The following DICER1 variants were observed in gnomAD, a reference collection of about 807,000 sequenced individuals.
DICER1 encodes endoribonuclease Dicer.
A neutral mutation model predicts 194.1 loss-of-function variants in DICER1; 43 were observed. The observed-to-expected ratio is 0.22, with a 90% CI of 0.17 to 0.29. The LOEUF is 0.29. DICER1 is among the 10% of genes least tolerant of loss of function. The pLI is 1.00. For missense variants in DICER1, 1,608 were observed against 2,317.0 expected, an observed-to-expected ratio of 0.69 and a Z score of 6.28; for synonymous variants, 832 against 820.5, an observed-to-expected ratio of 1.01 and a Z score of -0.24.
chr14:95,155,478 G>C (rs977371648), intron 1 of DICER1, among the ~76,000 whole-genome samples: 1 of 152,108 alleles, frequency 6.6e-6, no homozygotes, highest in African/African-American at 2.4e-5. Context: ...TGTCAAATAA[G>C]AATCATGAGC....
chr14:95,106,611 G>A (rs1891451488), intron 17 of DICER1, among the ~76,000 whole-genome samples: 1 of 151,838 alleles, frequency 6.6e-6, no homozygotes, highest in South Asian at 2.1e-4. Flanking sequence ...ACGTATTACT[G>A]CATCATCTAT....
intron 8 of DICER1, among the ~76,000 whole-genome samples, chr14:95,119,522 G>A (rs775051645): frequency 2.0e-5 from 3 of 152,170 alleles, no homozygotes; most frequent in Non-Finnish European, 2.9e-5. Context: ...AACTCCCAGA[G>A]GATAATGGAC....
At chr14:95,150,200 T>C (rs1895423501) in intron 1 of DICER1, among the ~76,000 whole-genome samples, 2 of 152,240 alleles carry the variant, frequency 1.3e-5, no homozygotes, top group African/African-American at 4.8e-5. Flanking sequence ...CTGTATTTTG[T>C]AGGCCGGGCA....
chr14:95,122,159 G>C (rs1892985650), intron 8 of DICER1, among the ~76,000 whole-genome samples: 1 of 152,166 alleles, frequency 6.6e-6, no homozygotes, highest in Non-Finnish European at 1.5e-5. Context: ...TTTTATGAAA[G>C]TTGATCACAA....
At position 95,104,004 on chromosome 14, in the gene DICER1, T is replaced by C. The variant is rs200651335; in HGVS notation, c.3392A>G (p.Asn1131Ser). The C allele has an allele frequency of 6.7e-5, 108 of 1,614,162 alleles. No individual in the cohort carries two copies. The African/African-American group carries it at 8.3e-4, about 12-fold the overall frequency. The change falls in exon 21 of 27, where the codon AAT (asparagine) becomes AGT (serine). Residue 1131 changes from asparagine to serine, a missense_variant. By Grantham distance (46) the Asn-to-Ser change is conservative (BLOSUM62 1). Transcript: ENST00000343455. ...TCTATTAGCACCTTGATGTGCAGCA[T>C]TTTCAGGGACAATTGTGCTGTGCTT... ...YCKHSTIVPE[N>S]AAHQGANRTS...
chr14:95,104,079 G>T lies in DICER1; in HGVS notation c.3317C>A (p.Ser1106Tyr), dbSNP rs761613375. ...FGWKKSIDSKSFISISNSSSA... is the reference protein window; with the variant it reads ...FGWKKSIDSKYFISISNSSSA... ...AGAGGAGTTAGAAATTGAGATGAAAGATTTGCTGTCAATAGATTTTTTCCA... is the reference window on the plus strand; with the variant it reads ...AGAGGAGTTAGAAATTGAGATGAAATATTTGCTGTCAATAGATTTTTTCCA... The change falls in exon 21 of 27, where the codon TCT (serine) becomes TAT (tyrosine). Residue 1106 changes from serine to tyrosine, a missense_variant. This residue lies in a region of DICER1 where 79 missense variants were observed against 176.1 expected (regional missense o/e 0.45). Transcript: ENST00000343455. 1.2e-6 allele frequency: 2 copies of T among 1,614,020 alleles called. No individual in the cohort carries two copies. The highest frequency in any genetic ancestry group is 1.7e-5 in the Admixed American group (1 of 60,012).
intron 17 of DICER1, among the ~76,000 whole-genome samples, chr14:95,106,886 G>A (rs1366721857): frequency 6.6e-6 from 1 of 152,106 alleles, no homozygotes; most frequent in Non-Finnish European, 1.5e-5. Flanking sequence ...TAAGACTCTG[G>A]AGACTAAAAG....
chr14:95,092,579 T>G (rs1889945820), intron 24 of DICER1, among the ~76,000 whole-genome samples: 1 of 152,234 alleles, frequency 6.6e-6, no homozygotes, highest in African/African-American at 2.4e-5. Flanking sequence ...CAAGTTTAAT[T>G]CTCTCTTTTT....
intron 1 of DICER1, among the ~76,000 whole-genome samples, chr14:95,156,057 T>C (rs1017568958): frequency 5.9e-5 from 9 of 152,224 alleles, no homozygotes; most frequent in African/African-American, 2.2e-4. Context: ...TTTAATAAAC[T>C]GAGTTTTTTG....
rs1889624541 is a variant in DICER1 at position 95,089,737 on chromosome 14, G to A, written c.*761C>T. The stretch of plus-strand genomic sequence containing the variant: ...ACTAGTGAGTTGTAAGTATCACGCT[G>A]TCTCAACGTCTAATGCATAATAAAA... On this transcript the variant is annotated 3_prime_UTR_variant, in exon 27 of 27. Transcript: ENST00000343455. 1 of 231,930 alleles carries A rather than the reference G, an allele frequency of 4.3e-6. No homozygotes were observed. Among genetic ancestry groups the A allele is most frequent in the Admixed American group, 5.6e-5 (1 of 17,734 alleles). The allele number at this position is 231,930 out of a possible 1,614,324, so 14.4% of individuals were successfully genotyped here.
rs2140233877 is a variant in DICER1 at position 95,126,705 on chromosome 14, A to G, written c.778T>C (p.Phe260Leu). ...PCEIVVDCGP[F>L]TDRSGLYERL... The stretch of plus-strand genomic sequence containing the variant: ...TCATAAAGCCCACTTCTGTCAGTAA[A>G]TGGTCCACAATCCACCACAATCTCA... Residue 260 changes from phenylalanine (F) to leucine (L), a missense_variant, in exon 7 of 27, where the codon TTT becomes CTT. Phe to Leu is a conservative substitution (Grantham distance 22). This residue lies in a region of DICER1 where 657 missense variants were observed against 910.1 expected (regional missense o/e 0.72). Transcript: ENST00000343455. 6.2e-7 allele frequency: 1 copy of G among 1,611,268 alleles called. No individual in the cohort carries two copies. Among genetic ancestry groups the G allele is most frequent in the Non-Finnish European group, 8.5e-7 (1 of 1,177,534 alleles).
intron 1 of DICER1, among the ~76,000 whole-genome samples, chr14:95,149,927 G>A (rs928560968): frequency 2.6e-5 from 4 of 152,044 alleles, no homozygotes; most frequent in African/African-American, 7.2e-5. Context: ...AGAATAATTC[G>A]AGGCTAACTA....
chr14:95,121,873 A>C (rs1406661573), intron 8 of DICER1, among the ~76,000 whole-genome samples: 1 of 152,216 alleles, frequency 6.6e-6, no homozygotes, highest in Non-Finnish European at 1.5e-5. Flanking sequence ...CCTACACTAC[A>C]TATAGAAGTG....
intron 26 of DICER1, 80 bp from the exon 27 acceptor site, chr14:95,090,743 C>G (rs183479706): frequency 6.5e-7 from 1 of 1,531,588 alleles, no homozygotes; most frequent in Admixed American, 1.7e-5. Context: ...TGTGCACTCT[C>G]AGGCCAGGAG....
At chr14:95,149,745 T>A (rs887195128) in intron 1 of DICER1, among the ~76,000 whole-genome samples, 1 of 152,236 alleles carries the variant, frequency 6.6e-6, no homozygotes, top group African/African-American at 2.4e-5. Flanking sequence ...AATTTTTTAT[T>A]AATTAATTCG....
intron 24 of DICER1, 113 bp downstream of exon 24, chr14:95,093,775 C>T: frequency 8.5e-7 from 1 of 1,180,584 alleles, no homozygotes; most frequent in Non-Finnish European, 1.3e-6. Context: ...ACACTGGGTC[C>T]CACACCCCTG....
chr14:95,107,669 T>C lies in DICER1; in HGVS notation c.2743A>G (p.Thr915Ala), dbSNP rs1179517249. 1.1e-5 allele frequency: 17 copies of C among 1,613,492 alleles called. No individual in the cohort carries two copies. Among genetic ancestry groups the C allele is most frequent in the Non-Finnish European group, 1.4e-5 (16 of 1,179,342 alleles). Residue 915 changes from threonine to alanine, a missense_variant, in exon 17 of 27, where the codon ACA (threonine) becomes GCA (alanine). Around this residue, in one of 10 missense-constraint regions of DICER1, gnomAD observed 150 missense variants for 216.0 expected, o/e 0.69. Transcript: ENST00000343455. ...TTAAAAACAAAGGGTGTTTCTTTTG[T>C]ATACTTTGTACTGGGAATGCCTATG... ...ARIGIPSTKY[T>A]KETPFVFKLE...
rs750675738 is a variant in DICER1 at position 95,124,500 on chromosome 14, G to C, written c.1072C>G (p.Leu358Val). Residue 358 changes from leucine (L) to valine (V), a missense_variant, in exon 8 of 27, where the codon CTA becomes GTA. Around this residue, in one of 10 missense-constraint regions of DICER1, gnomAD observed 657 missense variants for 910.1 expected, o/e 0.72. Coordinates refer to ENST00000343455, the MANE Select transcript of DICER1 (RefSeq NM_177438.3). This position sits in a 1 kb window ranked among gnomAD's most constrained non-coding sequence, Gnocchi z 4.5. Reference protein sequence around the residue: ...TDTFLRKIHALCEEHFSPASL... With the variant: ...TDTFLRKIHAVCEEHFSPASL... Reference sequence around the variant, plus strand: ...GCAGGTGAGAAGTGCTCTTCACATAGTGCATGTATTTTCCTTAGGAAAGTG... The same window carrying C: ...GCAGGTGAGAAGTGCTCTTCACATACTGCATGTATTTTCCTTAGGAAAGTG... The C allele has an allele frequency of 6.2e-7, 1 of 1,614,096 alleles. No homozygotes were observed. The highest frequency in any genetic ancestry group is 8.5e-7 in the Non-Finnish European group (1 of 1,180,022).
chr14:95,138,751 G>T (rs1372320125), intron 1 of DICER1, among the ~76,000 whole-genome samples: 1 of 146,460 alleles, frequency 6.8e-6, no homozygotes, highest in South Asian at 2.2e-4. Context: ...CTCACTCATA[G>T]GTGGGAATTG....
Sources: gnomAD v4.1 joint callset for allele counts (sites outside exome capture counted in the v4.1 genomes callset) on GRCh38, gnomAD v4.1.1 for gene constraint, gnomAD v4.1.1 regional missense constraint, Gnocchi (gnomAD v3.1) non-coding constraint, MANE v1.5 for transcripts, NCBI Gene and HGNC (gene_info 2026-07-23, HGNC 2026-07-21) for gene names.